Variants in KYAT1 observed in about 807,000 individuals in gnomAD.
The protein encoded by KYAT1 is kynurenine--oxoglutarate transaminase 1.
A neutral mutation model predicts 52.4 loss-of-function variants in KYAT1; 47 were observed. The ratio of observed to expected loss-of-function variants is 0.90; its 90% confidence interval spans 0.71 to 1.14. The LOEUF is 1.14. KYAT1 is among the 50% of genes most tolerant of loss of function. The pLI, the probability that KYAT1 is intolerant of heterozygous loss-of-function variation, is 0.00. For missense variants in KYAT1, 480 were observed against 557.9 expected, an observed-to-expected ratio of 0.86 and a Z score of 1.41; for synonymous variants, 212 against 209.6, an observed-to-expected ratio of 1.01 and a Z score of -0.10.
rs934046705 is a variant in KYAT1 at position 128,876,662 on chromosome 9, G to A, written c.-7+5235C>T. Among the ~76,000 whole-genome samples, 91 of 149,392 alleles carry A rather than the reference G, an allele frequency of 6.1e-4. 1 individual carries two copies. Among genetic ancestry groups the A allele is most frequent in the Admixed American group, 3.9e-3 (58 of 14,926 alleles). ...TCTCAATCTCCTGACCTCGTGATCC[G>A]CCTGCCTCGGCCTCCCAAAGTGCTG... is the stretch of plus-strand genomic sequence containing the variant. On this transcript the variant is annotated intron_variant, in intron 1 of 12. Coordinates refer to ENST00000302586, the MANE Select transcript of KYAT1 (RefSeq NM_004059.5).
At chr9:128,877,720 C>A (rs182092095) in intron 1 of KYAT1, among the ~76,000 whole-genome samples, 1 of 152,150 alleles carries the variant, frequency 6.6e-6, no homozygotes, top group Non-Finnish European at 1.5e-5. Flanking sequence ...TTATGACATT[C>A]GGTTTTGGAG....
In KYAT1 at chr9:128,851,513, G is replaced by A. The variant is rs574282885; in HGVS notation, c.-6-6102C>T. On this transcript the variant is annotated intron_variant, in intron 1 of 12. Transcript: ENST00000302586. ...AAACAATAGAACAATTCTGCCCATG[G>A]TTTCCAGAACAAGGAACTTTAGATT... 2.0e-5 allele frequency among the ~76,000 whole-genome samples: 3 copies of A among 152,250 alleles called. No homozygotes were observed. In the East Asian group the frequency reaches 5.8e-4, roughly 29 times the overall value.
intron 1 of KYAT1, among the ~76,000 whole-genome samples, chr9:128,854,850 C>T (rs1361094799): frequency 5.9e-5 from 9 of 152,200 alleles, no homozygotes; most frequent in Non-Finnish European, 1.3e-4. Context: ...TGATGATAAA[C>T]ATTTCCACTG....
At chr9:128,836,559 A>G (rs757138937) in intron 7 of KYAT1, among the ~76,000 whole-genome samples, 1 of 152,034 alleles carries the variant, frequency 6.6e-6, no homozygotes, top group Non-Finnish European at 1.5e-5. Context: ...TCAGCCTCCC[A>G]AAGTGCTGGG....
chr9:128,849,124 TG>T (rs1290365479), intron 1 of KYAT1, among the ~76,000 whole-genome samples: 1 of 143,982 alleles, frequency 6.9e-6, no homozygotes, highest in Non-Finnish European at 1.5e-5. Context: ...AAAAAAAAGG[TG>T]GGGAGGCCAG....
chr9:128,843,633 TG>T (rs1294831503), intron 2 of KYAT1, among the ~76,000 whole-genome samples: 1 of 152,060 alleles, frequency 6.6e-6, no homozygotes, highest in Non-Finnish European at 1.5e-5. Context: ...CCGCCCCCCT[TG>T]GCCTCTCAAA....
At chr9:128,866,825 G>A (rs1351518537) in intron 1 of KYAT1, among the ~76,000 whole-genome samples, 1 of 151,552 alleles carries the variant, frequency 6.6e-6, no homozygotes, top group Non-Finnish European at 1.5e-5. Flanking sequence ...AGAATCGCTT[G>A]AGCCCAGGAG....
chr9:128,856,750 G>A (rs1834661653), intron 1 of KYAT1, among the ~76,000 whole-genome samples: 1 of 152,198 alleles, frequency 6.6e-6, no homozygotes, highest in Non-Finnish European at 1.5e-5. Flanking sequence ...GGGGCACAAC[G>A]CACTGCGGAA....
chr9:128,875,297 T>A (rs1837845935), intron 1 of KYAT1, among the ~76,000 whole-genome samples: 1 of 149,978 alleles, frequency 6.7e-6, no homozygotes, highest in African/African-American at 2.5e-5. Context: ...TCCTGCTGTG[T>A]CGCCCAGGCC....
intron 6 of KYAT1, 113 bp downstream of exon 6, chr9:128,837,572 T>A: frequency 8.0e-7 from 1 of 1,245,484 alleles, no homozygotes; most frequent in Non-Finnish European, 1.1e-6. Context: ...TCATTGTGTG[T>A]GGCCCTCCCA....
intron 7 of KYAT1, 111 bp downstream of exon 7, chr9:128,836,691 C>T: frequency 7.9e-7 from 1 of 1,264,416 alleles, no homozygotes; most frequent in Non-Finnish European, 1.1e-6. Flanking sequence ...ACAGGATCTG[C>T]AGGGCTCCAT....
chr9:128,845,322 C>T, intron 2 of KYAT1, 31 bp downstream of exon 2: 3 of 1,606,226 alleles, frequency 1.9e-6, no homozygotes, highest in Non-Finnish European at 2.6e-6. Flanking sequence ...CGAGGGGACA[C>T]CCACACACCT....
chr9:128,859,366 C>CA (rs916310301), intron 1 of KYAT1, among the ~76,000 whole-genome samples: 10 of 145,608 alleles, frequency 6.9e-5, no homozygotes, highest in East Asian at 2.0e-4. Flanking sequence ...GTCTCAACAA[C>CA]AAAAAAAAAA....
At chr9:128,842,123 G>A in intron 3 of KYAT1, 2 of 362,762 alleles carry the variant, frequency 5.5e-6, no homozygotes, top group South Asian at 4.2e-5. Context: ...GACTGGCAGG[G>A]TCAAGGCTGC....
chr9:128,842,560 G>T, intron 3 of KYAT1, 94 bp downstream of exon 3: 1 of 1,275,522 alleles, frequency 7.8e-7, no homozygotes, highest in Non-Finnish European at 1.1e-6. Context: ...CCCTGGCTCT[G>T]TCCCCTGAAG....
chr9:128,834,253 C>T (rs1211570997), intron 11 of KYAT1, among the ~76,000 whole-genome samples: 1 of 152,080 alleles, frequency 6.6e-6, no homozygotes, highest in Non-Finnish European at 1.5e-5. Context: ...GAAAATCCAT[C>T]CAAAACAAAA....
intron 1 of KYAT1, among the ~76,000 whole-genome samples, chr9:128,870,047 T>C (rs550665124): frequency 1.5e-4 from 23 of 152,206 alleles, no homozygotes; most frequent in Non-Finnish European, 4.4e-5. Flanking sequence ...CGGCAGATAA[T>C]GTTCTTTGGT....
chr9:128,842,934 A>G, intron 2 of KYAT1, 133 bp from the exon 3 acceptor site: 1 of 783,740 alleles, frequency 1.3e-6, no homozygotes, highest in Non-Finnish European at 1.9e-6. Flanking sequence ...TGGGAGGCCG[A>G]GGTGGGCGGA....
Position 128,838,467 on chromosome 9 carries a change from G to A in KYAT1, c.202-100C>T. ...CTAGCACCTTCCAGCAGCAGGCCTG[G>A]GGGCAAAGTCAGGTACTGGTAGCCT... On this transcript the variant is annotated intron_variant, in intron 3 of 12. Coordinates refer to ENST00000302586, the MANE Select transcript of KYAT1 (RefSeq NM_004059.5). 2.1e-6 allele frequency: 3 copies of A among 1,437,908 alleles called. No individual in the cohort carries two copies. In the South Asian group the frequency reaches 3.6e-5, roughly 17 times the overall value. The allele number at this position is 1,437,908 out of a possible 1,614,324, so 89.1% of individuals were successfully genotyped here.
Sources: gnomAD v4.1 joint callset for allele counts (sites outside exome capture counted in the v4.1 genomes callset) on GRCh38, gnomAD v4.1.1 for gene constraint, MANE v1.5 for transcripts, NCBI Gene and HGNC (gene_info 2026-07-23, HGNC 2026-07-21) for gene names.